The following PCGF6 variants were observed in gnomAD, a reference collection of about 807,000 sequenced individuals.
The protein encoded by PCGF6 is polycomb group ring finger 6.
In PCGF6, 24 loss-of-function variants were observed where a neutral mutation model predicts 45.5. The observed-to-expected ratio is 0.53, with a 90% CI of 0.38 to 0.74. The LOEUF (loss-of-function observed/expected upper bound fraction) is 0.74, where lower values mean the gene tolerates loss of function less well. PCGF6 is among the 30% of genes least tolerant of loss of function. The pLI is 0.00. For synonymous variants in PCGF6, 152 were observed against 162.1 expected (o/e 0.94, Z 0.47); for missense variants, 356 against 443.2 (o/e 0.80, Z 1.77).
At chr10:103,326,284 G>C (rs950200887) in intron 8 of PCGF6, among the ~76,000 whole-genome samples, 1 of 151,330 alleles carries the variant, frequency 6.6e-6, no homozygotes, top group Admixed American at 6.6e-5. Context: ...AGCTACTCGG[G>C]AGGCTGACGC....
intron 8 of PCGF6, among the ~76,000 whole-genome samples, chr10:103,318,105 A>G (rs894621790): frequency 1.3e-5 from 2 of 149,480 alleles, no homozygotes; most frequent in Non-Finnish European, 3.0e-5. Flanking sequence ...CTAGAACACT[A>G]TGTGTGCATG....
chr10:103,314,373 T>G, intron 8 of PCGF6, 101 bp from the exon 9 acceptor site: 3 of 751,672 alleles, frequency 4.0e-6, no homozygotes, highest in Middle Eastern at 2.5e-4. Flanking sequence ...AAACTAGATT[T>G]TGTAATTTTA....
At chr10:103,332,908 AG>A (rs1166666474) in intron 7 of PCGF6, among the ~76,000 whole-genome samples, 1 of 152,050 alleles carries the variant, frequency 6.6e-6, no homozygotes, top group East Asian at 1.9e-4. Flanking sequence ...GGAGGTCAGG[AG>A]TTTGAGAATA....
At chr10:103,333,081 T>C (rs2093245933) in intron 7 of PCGF6, among the ~76,000 whole-genome samples, 2 of 148,868 alleles carry the variant, frequency 1.3e-5, no homozygotes, top group Non-Finnish European at 3.0e-5. Flanking sequence ...ATTGCGCCAC[T>C]GTGCTCTAGC....
intron 8 of PCGF6, among the ~76,000 whole-genome samples, chr10:103,325,093 C>G (rs1354019906): frequency 6.6e-6 from 1 of 151,206 alleles, no homozygotes; most frequent in Non-Finnish European, 1.5e-5. Flanking sequence ...CGAGATCACG[C>G]CATTGCACTC....
In PCGF6 at chr10:103,349,014, A is replaced by T; in HGVS notation, c.361-15T>A. ...TTAATCAGGCGCTGCAAATAAACGG[A>T]AACAGTTTTAAAATACAAGTCCTTG... On this transcript the variant is annotated splice_polypyrimidine_tract_variant and intron_variant, in intron 1 of 9. Coordinates refer to ENST00000369847, the MANE Select transcript of PCGF6 (RefSeq NM_001011663.2). 3 of 1,589,044 alleles carry T rather than the reference A, an allele frequency of 1.9e-6. No homozygotes were observed. Among genetic ancestry groups the T allele is most frequent in the Non-Finnish European group, 2.6e-6 (3 of 1,165,184 alleles).
At chr10:103,313,814 T>C (rs1016722777) in intron 9 of PCGF6, among the ~76,000 whole-genome samples, 11 of 152,114 alleles carry the variant, frequency 7.2e-5, no homozygotes, top group African/African-American at 2.4e-4. Context: ...AATTGTATTA[T>C]AGCACTGGAC....
At position 103,305,140 on chromosome 10, in the gene PCGF6, A is replaced by T. The variant is rs561472511; in HGVS notation, c.997-1179T>A. 5.3e-5 allele frequency among the ~76,000 whole-genome samples: 8 copies of T among 150,492 alleles called. No homozygotes were observed. In the South Asian group the frequency reaches 1.5e-3, roughly 28 times the overall value. On this transcript the variant is annotated intron_variant, in intron 9 of 9. Transcript: ENST00000369847. ...TGCCACCATGCCTGGCTACTTCAAA[A>T]TTTTTTTTTTCCCAGTATAAACGAG... is the stretch of plus-strand genomic sequence containing the variant.
At chr10:103,305,889 A>C (rs1023531309) in intron 9 of PCGF6, among the ~76,000 whole-genome samples, 2 of 150,526 alleles carry the variant, frequency 1.3e-5, no homozygotes, top group African/African-American at 4.9e-5. Flanking sequence ...CTCTCTACTT[A>C]TATAATTTAA....
chr10:103,322,174 G>T (rs72846191), intron 8 of PCGF6, among the ~76,000 whole-genome samples: 3 of 151,938 alleles, frequency 2.0e-5, no homozygotes, highest in African/African-American at 7.3e-5. Flanking sequence ...GGGATTACAG[G>T]GTGAGCCACC....
intron 7 of PCGF6, among the ~76,000 whole-genome samples, chr10:103,328,056 G>A (rs2093225888): frequency 6.6e-6 from 1 of 152,088 alleles, no homozygotes; most frequent in Non-Finnish European, 1.5e-5. Flanking sequence ...ATAGTTTGAG[G>A]TGTAGGAGGT....
At chr10:103,326,373 A>T (rs2093218499) in intron 8 of PCGF6, among the ~76,000 whole-genome samples, 161 bp downstream of exon 8, 1 of 149,078 alleles carries the variant, frequency 6.7e-6, no homozygotes, top group African/African-American at 2.5e-5. Context: ...TGGGCGACAG[A>T]GCAAGACTCC....
At chr10:103,349,879 G>C (rs1335026076) in intron 1 of PCGF6, among the ~76,000 whole-genome samples, 2 of 150,714 alleles carry the variant, frequency 1.3e-5, no homozygotes, top group South Asian at 2.1e-4. Context: ...TCAGGAGATC[G>C]AGACCATCCT....
intron 8 of PCGF6, among the ~76,000 whole-genome samples, chr10:103,316,048 C>G (rs925758298): frequency 6.9e-6 from 1 of 144,638 alleles, no homozygotes; most frequent in Non-Finnish European, 1.5e-5. Context: ...AGAGAGATAT[C>G]TCACTTAACT....
Position 103,345,271 on chromosome 10 carries a change from C to T in PCGF6, c.674-139G>A, listed in dbSNP as rs2133598194. ...CACTCAATCTCCCTGTCTTTAATGA[C>T]ATTGGCTAATCTGTCAAAGCCAGTG... is the stretch of plus-strand genomic sequence containing the variant. On this transcript the variant is annotated intron_variant, in intron 5 of 9. Transcript: ENST00000369847. 4 of 641,442 alleles carry T rather than the reference C, an allele frequency of 6.2e-6. No individual in the cohort carries two copies. In the Middle Eastern group the frequency reaches 1.2e-3, roughly 196 times the overall value. The allele number at this position is 641,442 out of a possible 1,614,324, so 39.7% of individuals were successfully genotyped here.
chr10:103,328,469 G>A (rs2093227411), intron 7 of PCGF6, among the ~76,000 whole-genome samples: 1 of 152,176 alleles, frequency 6.6e-6, no homozygotes, highest in Non-Finnish European at 1.5e-5. Context: ...TAGGTGTTGA[G>A]TGTAGGCACT....
intron 9 of PCGF6, among the ~76,000 whole-genome samples, chr10:103,309,437 T>G (rs2093148879): frequency 6.6e-6 from 1 of 152,186 alleles, no homozygotes; most frequent in African/African-American, 2.4e-5. Context: ...CTCCTTATTC[T>G]CTCTCTTCTG....
chr10:103,346,728 G>A (rs971510914), intron 5 of PCGF6, among the ~76,000 whole-genome samples: 2 of 152,184 alleles, frequency 1.3e-5, no homozygotes, highest in African/African-American at 2.4e-5. Context: ...CCAGAAGGTG[G>A]AGGTTGCGGT....
chr10:103,305,216 AC>A (rs11287016), intron 9 of PCGF6, among the ~76,000 whole-genome samples: 40,174 of 149,846 alleles, frequency 0.27, 6,518 homozygotes, highest in South Asian at 0.5. Context: ...TTCAAGCAAT[AC>A]CCCCATCTTG....
Sources: gnomAD v4.1 joint callset for allele counts (sites outside exome capture counted in the v4.1 genomes callset) on GRCh38, gnomAD v4.1.1 for gene constraint, MANE v1.5 for transcripts, NCBI Gene and HGNC (gene_info 2026-07-23, HGNC 2026-07-21) for gene names.